USP10: variants seen among roughly 807,000 people sequenced by gnomAD.
USP10 encodes the protein ubiquitin carboxyl-terminal hydrolase 10.
A neutral mutation model predicts 84.5 loss-of-function variants in USP10; 22 were observed. The observed-to-expected ratio is 0.26, with a 90% confidence interval of 0.19 to 0.37. USP10 has a LOEUF of 0.37. Ranked by LOEUF, USP10 falls within the 10% of genes least tolerant of loss-of-function variation. The probability of loss-of-function intolerance (pLI) is 1.00; values close to 1 mark genes in which losing one functional copy is unlikely to be tolerated. For synonymous variants in USP10, 454 were observed against 387.6 expected (o/e 1.17, Z -2.01); for missense variants, 1,019 against 998.9 (o/e 1.02, Z -0.27).
At chr16:84,742,518 A>G (rs532261984) in intron 3 of USP10, among the ~76,000 whole-genome samples, 2 of 152,194 alleles carry the variant, frequency 1.3e-5, no homozygotes, top group Non-Finnish European at 2.9e-5. Context: ...TCTCTACTGC[A>G]TGTACTGCAG....
At chr16:84,759,994 GGAGACA>G in intron 7 of USP10, 48 bp downstream of exon 7, 1 of 1,600,952 alleles carries the variant, frequency 6.2e-7, no homozygotes, top group Non-Finnish European at 8.6e-7. Flanking sequence ...TGGGAGTTAT[GGAGACA>G]GATGACTTAA....
intron 1 of USP10, among the ~76,000 whole-genome samples, chr16:84,727,392 C>T (rs2044041300): frequency 6.6e-6 from 1 of 152,122 alleles, no homozygotes; most frequent in African/African-American, 2.4e-5. Flanking sequence ...AAACACTAAA[C>T]AGTCAAACAT....
rs964922765 is a variant in USP10, at chr16:84,745,731, G to C, written c.1192+58G>C. On this transcript the variant is annotated intron_variant, in intron 4 of 13. Coordinates refer to ENST00000219473, the MANE Select transcript of USP10 (RefSeq NM_005153.3). ...GATGGGAGCAGACCTCATCAACTGGGCTTATAGACTGTGGTGTTACCCATA... is the reference window on the plus strand; with the variant it reads ...GATGGGAGCAGACCTCATCAACTGGCCTTATAGACTGTGGTGTTACCCATA... The C allele has an allele frequency of 1.1e-5, 17 of 1,512,576 alleles. No individual in the cohort carries two copies. In the African/African-American group the frequency reaches 2.4e-4, roughly 21 times the overall value. 93.7% of individuals were successfully genotyped at this position (1,512,576 alleles called of 1,614,324 possible). A position where few individuals can be genotyped will look rare whatever the true frequency, so the allele number is the denominator to read the frequency against.
Position 84,745,305 on chromosome 16 carries a change from G to A in USP10, c.824G>A (p.Gly275Asp), listed in dbSNP as rs1911086808. The A allele has an allele frequency of 6.2e-7, 1 of 1,613,144 alleles. No individual in the cohort carries two copies. Among genetic ancestry groups the A allele is most frequent in the South Asian group, 1.1e-5 (1 of 91,044 alleles). ...ACAGCTGGGGCTCAGCCCTGCGTTG[G>A]TACCGATACTACTGAAAACCTTGGA... ...SRTAGAQPCV[G>D]TDTTENLGVA... The change falls in exon 4 of 14, where the codon GGT becomes GAT. Residue 275 changes from glycine (G) to aspartate (D), a missense_variant. Gly to Asp is a moderately conservative substitution (Grantham distance 94). Transcript: ENST00000219473.
chr16:84,733,689 C>G (rs923845411), intron 2 of USP10, among the ~76,000 whole-genome samples, 186 bp downstream of exon 2: 4 of 152,126 alleles, frequency 2.6e-5, no homozygotes, highest in African/African-American at 7.2e-5. Flanking sequence ...GCTGTATTTA[C>G]TTTATTAGGC....
intron 1 of USP10, chr16:84,733,127 A>T (rs1459661561): frequency 2.0e-6 from 1 of 488,432 alleles, no homozygotes; most frequent in South Asian, 1.5e-5. Flanking sequence ...AACTGGCAGT[A>T]TTTGTGAACC....
At chr16:84,700,137 C>T in intron 1 of USP10, 26 bp downstream of exon 1, 1 of 1,322,448 alleles carries the variant, frequency 7.6e-7, no homozygotes, top group Non-Finnish European at 9.9e-7. Flanking sequence ...CGCCTTCGGC[C>T]GGAAGGGGCC....
intron 1 of USP10, among the ~76,000 whole-genome samples, chr16:84,729,421 A>G (rs1035267027): frequency 6.6e-6 from 1 of 152,168 alleles, no homozygotes; most frequent in Non-Finnish European, 1.5e-5. Flanking sequence ...CAAATAGAGG[A>G]TTCCTTTATA....
At chr16:84,737,592 A>G (rs1910097483) in intron 2 of USP10, among the ~76,000 whole-genome samples, 1 of 152,210 alleles carries the variant, frequency 6.6e-6, no homozygotes, top group African/African-American at 2.4e-5. Context: ...TAGCAAATCA[A>G]AGTAAGTGTG....
intron 2 of USP10, among the ~76,000 whole-genome samples, chr16:84,734,252 T>C (rs1049407152): frequency 7.0e-6 from 1 of 143,514 alleles, no homozygotes; most frequent in African/African-American, 2.6e-5. Flanking sequence ...ATGGGAGTTT[T>C]CTTGCTCGTA....
chr16:84,733,901 A>G (rs1395386400), intron 2 of USP10, among the ~76,000 whole-genome samples: 1 of 151,926 alleles, frequency 6.6e-6, no homozygotes, highest in Non-Finnish European at 1.5e-5. Flanking sequence ...ATGGTATACT[A>G]TATTCAGTTT....
intron 12 of USP10, among the ~76,000 whole-genome samples, chr16:84,773,445 A>C (rs1914658062): frequency 6.6e-6 from 1 of 151,998 alleles, no homozygotes; most frequent in African/African-American, 2.4e-5. Context: ...ACCCCACCTC[A>C]TACCTCCTTC....
intron 4 of USP10, among the ~76,000 whole-genome samples, chr16:84,749,217 A>G (rs1001036589): frequency 1.3e-5 from 2 of 152,218 alleles, no homozygotes; most frequent in South Asian, 2.1e-4. Context: ...GTGGTAAAAC[A>G]TACTCAGTTT....
At chr16:84,757,295 A>G (rs370404574) in intron 4 of USP10, among the ~76,000 whole-genome samples, 9 of 152,138 alleles carry the variant, frequency 5.9e-5, no homozygotes, top group Admixed American at 4.6e-4. Context: ...AATCTGTAAT[A>G]TTTTACTTTC....
At chr16:84,738,117 G>T (rs1910173467) in intron 2 of USP10, among the ~76,000 whole-genome samples, 2 of 152,186 alleles carry the variant, frequency 1.3e-5, no homozygotes, top group Non-Finnish European at 2.9e-5. Flanking sequence ...GATGGGTGAA[G>T]AGGTCCCTTC....
intron 1 of USP10, among the ~76,000 whole-genome samples, chr16:84,706,605 A>G (rs923864629): frequency 3.3e-5 from 5 of 151,322 alleles, no homozygotes; most frequent in Non-Finnish European, 7.4e-5. Context: ...CAGTGGCGCA[A>G]TCTCGGCTCA....
chr16:84,775,068 C>A, intron 12 of USP10, 92 bp from the exon 13 acceptor site: 1 of 1,105,326 alleles, frequency 9.0e-7, no homozygotes, highest in Non-Finnish European at 1.4e-6. Flanking sequence ...AGGCAGTTTA[C>A]TTGCTGGGGA....
intron 1 of USP10, among the ~76,000 whole-genome samples, chr16:84,723,505 A>C (rs1169595047): frequency 6.6e-6 from 1 of 152,190 alleles, no homozygotes; most frequent in Non-Finnish European, 1.5e-5. Flanking sequence ...CAGCCCACTG[A>C]CGCCTGGGAA....
chr16:84,742,168 T>C (rs532075542), intron 3 of USP10, among the ~76,000 whole-genome samples: 1 of 152,340 alleles, frequency 6.6e-6, no homozygotes, highest in East Asian at 1.9e-4. Context: ...CAAGTAATAA[T>C]CACATCAAGG....
Sources: allele counts gnomAD v4.1 joint callset (sites outside exome capture counted in the v4.1 genomes callset), GRCh38; gene constraint gnomAD v4.1.1; transcripts MANE v1.5; gene names NCBI Gene and HGNC (gene_info 2026-07-23, HGNC 2026-07-21).